CHEK2: variants seen among roughly 807,000 people sequenced by gnomAD.
The protein encoded by CHEK2 is serine/threonine-protein kinase Chk2.
Under a neutral mutation model 69.1 loss-of-function variants are expected in CHEK2, and 71 were observed. The ratio of observed to expected loss-of-function variants is 1.03; its 90% CI spans 0.85 to 1.25. CHEK2 has a LOEUF of 1.25. Ranked by LOEUF, CHEK2 falls within the 50% of genes most tolerant of loss-of-function variation. The probability of loss-of-function intolerance (pLI) is 0.00; values close to 1 mark genes in which losing one functional copy is unlikely to be tolerated. For missense variants in CHEK2, 664 were observed against 649.6 expected (o/e 1.02, Z -0.24); for synonymous variants, 189 against 226.9 (o/e 0.83, Z 1.50).
At chr22:28,739,162 T>G (rs2054492815) in intron 1 of CHEK2, among the ~76,000 whole-genome samples, 1 of 151,766 alleles carries the variant, frequency 6.6e-6, no homozygotes, top group Admixed American at 6.6e-5. Flanking sequence ...CCCAGCTACT[T>G]GGTAGGCTGA....
chr22:28,732,209 T>G (rs1187960699), intron 2 of CHEK2, among the ~76,000 whole-genome samples: 1 of 152,138 alleles, frequency 6.6e-6, no homozygotes, highest in Non-Finnish European at 1.5e-5. Flanking sequence ...CCTCCCAGGT[T>G]CAACCGATTC....
In CHEK2 at chr22:28,696,960, G is replaced by A. The variant is rs201206424; in HGVS notation, c.1036C>T (p.Arg346Cys). The A allele has an allele frequency of 4.5e-5, 72 of 1,612,746 alleles. No homozygotes were observed. The highest frequency in any genetic ancestry group is 5.2e-5 in the Non-Finnish European group (61 of 1,179,050). Residue 346 changes from arginine to cysteine, a missense_variant, in exon 10 of 15, where the codon CGT becomes TGT. Physicochemically the swap from Arg to Cys is radical, Grantham distance 180. Coordinates refer to ENST00000404276, the MANE Select transcript of CHEK2 (RefSeq NM_007194.4). ...AAAACATTCTCTGGCTTTAAGTCAC[G>A]GTGTATAATACCGTTTTCATGAAGG... The part of the protein sequence containing the change: ...QYLHENGIIH[R>C]DLKPENVLLS...
At position 28,695,229 on chromosome 22, in the gene CHEK2, G is replaced by A. The variant is rs1423670346; in HGVS notation, c.1273C>T (p.Pro425Ser). 1.2e-6 allele frequency: 2 copies of A among 1,601,872 alleles called. No individual in the cohort carries two copies. Among genetic ancestry groups the A allele is most frequent in the African/African-American group, 1.3e-5 (1 of 74,648 alleles). ...TGAGTCCTATGCTCAGAGAAAGGTGGATACCCACTAAGGCTTAATATTGGT... is the reference window on the plus strand; with the variant it reads ...TGAGTCCTATGCTCAGAGAAAGGTGAATACCCACTAAGGCTTAATATTGGT... ...VILFICLSGY[P>S]PFSEHRTQVS... The change falls in exon 12 of 15, where the codon CCA becomes TCA. Residue 425 changes from proline (P) to serine (S), a missense_variant. By Grantham distance (74) the Pro-to-Ser change is moderately conservative. Transcript: ENST00000404276.
chr22:28,710,137 GTT>G, intron 6 of CHEK2, 78 bp from the exon 7 acceptor site: 1 of 1,011,326 alleles, frequency 9.9e-7, no homozygotes, highest in East Asian at 2.5e-5. Flanking sequence ...GTTAAACTCA[GTT>G]GACTCAAGGC....
rs368452810 is a variant in CHEK2, at chr22:28,711,867, G to C, written c.792+42C>G. 2.1e-5 allele frequency: 26 copies of C among 1,266,168 alleles called. No homozygotes were observed. Among genetic ancestry groups the C allele is most frequent in the Non-Finnish European group, 2.9e-5 (25 of 865,062 alleles). The allele number at this position is 1,266,168 out of a possible 1,614,324, so 78.4% of individuals were successfully genotyped here. A position where few individuals can be genotyped will look rare whatever the true frequency, so the allele number is the denominator to read the frequency against. On this transcript the variant is annotated intron_variant, in intron 6 of 14. Coordinates refer to ENST00000404276, the MANE Select transcript of CHEK2 (RefSeq NM_007194.4). ...TAAGATTATTTTGGGAAGTTATGAA[G>C]ACGTGTTAATAAAAGGTGATCAGCC...
chr22:28,694,592 A>C (rs1449380255), intron 12 of CHEK2, among the ~76,000 whole-genome samples: 1 of 152,204 alleles, frequency 6.6e-6, no homozygotes, highest in Non-Finnish European at 1.5e-5. Context: ...CAACATTATT[A>C]TTCCTTAAAT....
chr22:28,725,182 A>G (rs2146064095), intron 3 of CHEK2, 58 bp from the exon 4 acceptor site: 1 of 1,613,934 alleles, frequency 6.2e-7, no homozygotes, highest in Non-Finnish European at 8.5e-7. Context: ...TAGTGGGAAA[A>G]TATCTAAAAA....
At chr22:28,701,722 T>C (rs570555004) in intron 8 of CHEK2, among the ~76,000 whole-genome samples, 3 of 152,218 alleles carry the variant, frequency 2.0e-5, no homozygotes, top group South Asian at 4.2e-4. Flanking sequence ...TGAAATAAAC[T>C]ACCAAGACAC....
intron 4 of CHEK2, among the ~76,000 whole-genome samples, chr22:28,720,481 A>G (rs551862061): frequency 2.0e-5 from 3 of 152,296 alleles, no homozygotes; most frequent in Non-Finnish European, 4.4e-5. Context: ...ACGTGGGCCA[A>G]GCCTGTGATA....
chr22:28,713,569 G>A (rs2053483972), intron 5 of CHEK2, among the ~76,000 whole-genome samples: 1 of 152,086 alleles, frequency 6.6e-6, no homozygotes, highest in African/African-American at 2.4e-5. Context: ...TGTTAGCCAG[G>A]ATGGTCTTGA....
rs878854917 is a variant in CHEK2 at position 28,734,514 on chromosome 22, C to T, written c.208G>A (p.Glu70Lys). The T allele has an allele frequency of 1.9e-6, 3 of 1,613,848 alleles. No individual in the cohort carries two copies. The highest frequency in any genetic ancestry group is 2.2e-5 in the East Asian group (1 of 44,880). Reference protein sequence around the residue: ...LSSLETVSTQELYSIPEDQEP... With the variant: ...LSSLETVSTQKLYSIPEDQEP... ...TGGTCCTCAGGAATAGAATAGAGTT[C>T]CTGAGTGGACACTGTCTCTAAGGAG... is the stretch of plus-strand genomic sequence containing the variant. The change falls in exon 2 of 15, where the codon GAA becomes AAA. Residue 70 changes from glutamate to lysine, a missense_variant. Coordinates refer to ENST00000404276, the MANE Select transcript of CHEK2 (RefSeq NM_007194.4).
At chr22:28,729,159 C>G (rs1408177976) in intron 2 of CHEK2, 3 of 175,276 alleles carry the variant, frequency 1.7e-5, no homozygotes, top group Non-Finnish European at 2.5e-5. Context: ...AACCAATATC[C>G]CTTGTGAATA....
At chr22:28,693,904 C>G (rs1169890484) in intron 13 of CHEK2, 128 bp downstream of exon 13, 2 of 748,106 alleles carry the variant, frequency 2.7e-6, no homozygotes, top group Non-Finnish European at 4.8e-6. Context: ...CAAGATACCC[C>G]CCATACATCT....
Position 28,696,889 on chromosome 22 carries a change from C to A in CHEK2, c.1095+12G>T, listed in dbSNP as rs762414562. 8 of 1,578,116 alleles carry A rather than the reference C, an allele frequency of 5.1e-6. No homozygotes were observed. In the East Asian group the frequency reaches 1.6e-4, roughly 31 times the overall value. ...TACAGGAATAGCCACATACAGAATG[C>A]CAATTTCTTACCTTTATAAGACAGT... On this transcript the variant is annotated intron_variant, in intron 10 of 14. Transcript: ENST00000404276.
At chr22:28,723,482 C>T (rs1244483215) in intron 4 of CHEK2, among the ~76,000 whole-genome samples, 3 of 149,348 alleles carry the variant, frequency 2.0e-5, no homozygotes, top group Non-Finnish European at 4.5e-5. Context: ...CCTGTAGTCC[C>T]AGCTACTGGG....
intron 4 of CHEK2, among the ~76,000 whole-genome samples, chr22:28,722,813 C>A (rs1176277682): frequency 6.6e-6 from 1 of 152,086 alleles, no homozygotes; most frequent in African/African-American, 2.4e-5. Context: ...AAATCCTGGG[C>A]TCAAGGGATC....
chr22:28,697,107 A>T lies in CHEK2; in HGVS notation c.1009-120T>A. On this transcript the variant is annotated intron_variant, in intron 9 of 14. Transcript: ENST00000404276. ...ACCGTAAGCCGTGATACACACAACCATATTCTCCAAAATCATAGAAAACTG... is the reference window on the plus strand; with the variant it reads ...ACCGTAAGCCGTGATACACACAACCTTATTCTCCAAAATCATAGAAAACTG... 9.9e-6 allele frequency: 7 copies of T among 706,032 alleles called. No homozygotes were observed. In the South Asian group the frequency reaches 1.0e-4, roughly 11 times the overall value. 43.7% of individuals were successfully genotyped at this position (706,032 alleles called of 1,614,324 possible).
chr22:28,724,598 C>T lies in CHEK2; in HGVS notation c.592+379G>A, dbSNP rs575849700. Reference sequence around the variant, plus strand: ...TTTTTTGTTTTGAGACAGAGTTTCACTCTTGTTGCCCAGGCTAGAGTGCAA... The same window carrying T: ...TTTTTTGTTTTGAGACAGAGTTTCATTCTTGTTGCCCAGGCTAGAGTGCAA... On this transcript the variant is annotated intron_variant, in intron 4 of 14. Coordinates refer to ENST00000404276, the MANE Select transcript of CHEK2 (RefSeq NM_007194.4). The T allele has an allele frequency of 2.8e-4, 79 of 285,418 alleles. 1 individual carries two copies. In the South Asian group the frequency reaches 2.9e-3, roughly 10 times the overall value. The allele number at this position is 285,418 out of a possible 1,614,324, so 17.7% of individuals were successfully genotyped here.
At chr22:28,716,517 G>C (rs2053594732) in intron 5 of CHEK2, among the ~76,000 whole-genome samples, 1 of 151,972 alleles carries the variant, frequency 6.6e-6, no homozygotes, top group Non-Finnish European at 1.5e-5. Flanking sequence ...TTAAGAAAGG[G>C]TTTGACGGTT....
Sources: gnomAD v4.1 joint callset for allele counts (sites outside exome capture counted in the v4.1 genomes callset) on GRCh38, gnomAD v4.1.1 for gene constraint, MANE v1.5 for transcripts, NCBI Gene and HGNC (gene_info 2026-07-23, HGNC 2026-07-21) for gene names.